Variants in WWOX observed in about 807,000 individuals in gnomAD.
WWOX encodes the protein WW domain containing oxidoreductase, also known as WW domain-containing oxidoreductase.
WWOX carries 69 observed loss-of-function variants against 46.2 expected under a neutral mutation model. The observed-to-expected ratio is 1.49, with a 90% CI of 1.23 to 1.82. The LOEUF (loss-of-function observed/expected upper bound fraction) is 1.82. Among genes scored for constraint, WWOX ranks in the 40% most tolerant of loss-of-function variants. WWOX has a pLI of 0.00. For synonymous variants in WWOX, 359 were observed against 202.6 expected (o/e 1.77, Z -6.56); for missense variants, 919 against 542.6 (o/e 1.69, Z -6.89).
chr16:79,029,409 T>A (rs539538664), intron 8 of WWOX, among the ~76,000 whole-genome samples: 24 of 152,346 alleles, frequency 1.6e-4, no homozygotes, highest in African/African-American at 5.3e-4. Flanking sequence ...TCAGCACCAT[T>A]GTCAAAACAT....
intron 8 of WWOX, among the ~76,000 whole-genome samples, chr16:78,573,010 G>T (rs1324057884): frequency 6.6e-6 from 1 of 152,120 alleles, no homozygotes; most frequent in Non-Finnish European, 1.5e-5. Flanking sequence ...AATTATAGCC[G>T]GGCACGGTGG....
At chr16:79,083,434 G>T (rs1389549638) in intron 8 of WWOX, among the ~76,000 whole-genome samples, 1 of 152,142 alleles carries the variant, frequency 6.6e-6, no homozygotes, top group African/African-American at 2.4e-5. Context: ...CATTACTAAT[G>T]TCAAGAACAA....
At chr16:78,427,541 CG>C (rs2083113188) in intron 7 of WWOX, among the ~76,000 whole-genome samples, 1 of 151,554 alleles carries the variant, frequency 6.6e-6, no homozygotes, top group African/African-American at 2.4e-5. Context: ...CACGCACGCA[CG>C]CACACACACA....
intron 4 of WWOX, 47 bp downstream of exon 4, chr16:78,115,201 A>G: frequency 6.2e-7 from 1 of 1,605,840 alleles, no homozygotes; most frequent in Non-Finnish European, 8.5e-7. Flanking sequence ...CTATAATGAG[A>G]TCCACTTAGA....
intron 5 of WWOX, among the ~76,000 whole-genome samples, chr16:78,331,393 G>T (rs1023181461): frequency 1.3e-5 from 2 of 152,172 alleles, no homozygotes; most frequent in African/African-American, 4.8e-5. Context: ...AGGCAACCAG[G>T]TAATAAACCA....
At chr16:78,885,875 A>C (rs1270086352) in intron 8 of WWOX, among the ~76,000 whole-genome samples, 1 of 151,562 alleles carries the variant, frequency 6.6e-6, no homozygotes, top group Non-Finnish European at 1.5e-5. Flanking sequence ...AATTTGACTC[A>C]GTTTAGAGTT....
At chr16:78,745,983 C>T (rs961114708) in intron 8 of WWOX, among the ~76,000 whole-genome samples, 10 of 152,140 alleles carry the variant, frequency 6.6e-5, no homozygotes, top group Non-Finnish European at 1.3e-4. Flanking sequence ...CCCTGCACCA[C>T]GTCTCAGAAG....
At chr16:78,510,231 A>C (rs945692758) in intron 8 of WWOX, among the ~76,000 whole-genome samples, 1 of 151,826 alleles carries the variant, frequency 6.6e-6, no homozygotes, top group East Asian at 1.9e-4. Context: ...TTTTTTGGAG[A>C]TGGAGTCTTG....
At chr16:78,823,927 CA>C (rs1307511752) in intron 8 of WWOX, among the ~76,000 whole-genome samples, 1 of 152,030 alleles carries the variant, frequency 6.6e-6, no homozygotes, top group African/African-American at 2.4e-5. Flanking sequence ...AGGCGAGAGC[CA>C]CCATACTGGG....
At chr16:78,799,129 C>T (rs147551600) in intron 8 of WWOX, among the ~76,000 whole-genome samples, 3 of 151,668 alleles carry the variant, frequency 2.0e-5, no homozygotes, top group Admixed American at 1.3e-4. Flanking sequence ...ATTATGGTTC[C>T]TGGCATTTGT....
chr16:78,223,587 A>C (rs2036959974), intron 5 of WWOX, among the ~76,000 whole-genome samples: 1 of 152,136 alleles, frequency 6.6e-6, no homozygotes, highest in Non-Finnish European at 1.5e-5. Flanking sequence ...TGTGGCAGGA[A>C]ACATGCAAAG....
chr16:78,705,368 G>C (rs981469258), intron 8 of WWOX, among the ~76,000 whole-genome samples: 2 of 152,178 alleles, frequency 1.3e-5, no homozygotes, highest in Admixed American at 6.5e-5. Context: ...ACACATAAGA[G>C]AGTCAAAGGG....
chr16:78,682,093 G>A (rs957607677), intron 8 of WWOX, among the ~76,000 whole-genome samples: 2 of 152,194 alleles, frequency 1.3e-5, no homozygotes, highest in Non-Finnish European at 2.9e-5. Flanking sequence ...TGTAAAGTCT[G>A]CAGCTGGTGA....
intron 8 of WWOX, among the ~76,000 whole-genome samples, chr16:78,921,100 A>C (rs2045367700): frequency 6.6e-6 from 1 of 151,948 alleles, no homozygotes; most frequent in African/African-American, 2.4e-5. Flanking sequence ...AGCAAGGGGG[A>C]AAAAAAGAGC....
chr16:78,234,796 A>C (rs532980835), intron 5 of WWOX, among the ~76,000 whole-genome samples: 69 of 44,332 alleles, frequency 1.6e-3, no homozygotes, highest in African/African-American at 8.3e-3. Context: ...CAAAACAAAA[A>C]AACAACAAAA....
intron 4 of WWOX, chr16:78,145,891 A>T (rs564852847): frequency 6.6e-6 from 1 of 152,274 alleles, no homozygotes; most frequent in East Asian, 1.9e-4. Flanking sequence ...GCTTCAGTGT[A>T]TGAGTTTGGG....
At chr16:78,578,346 G>T (rs1392166535) in intron 8 of WWOX, among the ~76,000 whole-genome samples, 1 of 129,106 alleles carries the variant, frequency 7.7e-6, no homozygotes, top group East Asian at 2.3e-4. Flanking sequence ...CTGGAGTGCA[G>T]TGGCGCAATC....
intron 5 of WWOX, among the ~76,000 whole-genome samples, chr16:78,195,093 T>A (rs2036006265): frequency 2.0e-5 from 3 of 152,122 alleles, no homozygotes; most frequent in African/African-American, 7.2e-5. Context: ...CCCTCTGAGG[T>A]TCCCCAGTCC....
chr16:78,960,592 C>T (rs1273505776), intron 8 of WWOX, among the ~76,000 whole-genome samples: 1 of 152,196 alleles, frequency 6.6e-6, no homozygotes, highest in Non-Finnish European at 1.5e-5. Context: ...AGGCATGGAA[C>T]AGATCCATTG....
Sources: gnomAD v4.1 joint callset for allele counts (sites outside exome capture counted in the v4.1 genomes callset) on GRCh38, gnomAD v4.1.1 for gene constraint, MANE v1.5 for transcripts, NCBI Gene and HGNC (gene_info 2026-07-23, HGNC 2026-07-21) for gene names.